The following TRAPPC9 variants were observed in gnomAD, a reference collection of about 807,000 sequenced individuals.
The protein encoded by TRAPPC9 is trafficking protein particle complex subunit 9, also known as IKK2 binding protein.
Under a neutral mutation model 124.0 loss-of-function variants are expected in TRAPPC9, and 83 were observed. The ratio of observed to expected loss-of-function variants is 0.67; its 90% CI spans 0.56 to 0.80. The LOEUF (loss-of-function observed/expected upper bound fraction) is 0.80. Among genes scored for constraint, TRAPPC9 ranks in the 30% least tolerant of loss-of-function variants. The pLI, the probability that TRAPPC9 is intolerant of heterozygous loss-of-function variation, is 0.00. For synonymous variants in TRAPPC9, 638 were observed against 617.5 expected (o/e 1.03, Z -0.49); for missense variants, 1,302 against 1,508.3 (o/e 0.86, Z 2.27).
chr8:140,236,371 G>C (rs12681735), intron 16 of TRAPPC9, among the ~76,000 whole-genome samples: 39 of 152,308 alleles, frequency 2.6e-4, no homozygotes, highest in African/African-American at 8.4e-4. Flanking sequence ...GCGTGAGCCA[G>C]AGTGCCCAGT....
Position 140,184,839 on chromosome 8 carries a change from C to A in TRAPPC9, c.2556+36620G>T, listed in dbSNP as rs78733798. ...GCACACATCTAAATCCAGCACCCAG[C>A]TGGAAAAAGAACATGCCTGCGCCCA... On this transcript the variant is annotated intron_variant, in intron 17 of 22. Transcript: ENST00000438773. Among the ~76,000 whole-genome samples, 42 of 152,312 alleles carry A rather than the reference C, an allele frequency of 2.8e-4. No homozygotes were observed. In the East Asian group the frequency reaches 8.1e-3, roughly 29 times the overall value.
chr8:139,848,492 T>C (rs560528232), intron 21 of TRAPPC9, among the ~76,000 whole-genome samples: 1 of 152,124 alleles, frequency 6.6e-6, no homozygotes, highest in East Asian at 1.9e-4. Context: ...GGACATGAGA[T>C]ATGGAATAAA....
intron 18 of TRAPPC9, among the ~76,000 whole-genome samples, chr8:140,016,257 C>A (rs1839456548): frequency 6.6e-6 from 1 of 152,182 alleles, no homozygotes; most frequent in South Asian, 2.1e-4. Flanking sequence ...AACCCTATAA[C>A]CCATACCCCT....
At chr8:140,312,387 A>G (rs779516129) in intron 9 of TRAPPC9, among the ~76,000 whole-genome samples, 2 of 152,158 alleles carry the variant, frequency 1.3e-5, no homozygotes, top group Non-Finnish European at 2.9e-5. Context: ...TTCCCTATCT[A>G]CTGTGCTACC....
At chr8:139,888,687 G>A (rs1471779734) in intron 20 of TRAPPC9, among the ~76,000 whole-genome samples, 3 of 152,218 alleles carry the variant, frequency 2.0e-5, no homozygotes, top group Non-Finnish European at 2.9e-5. Flanking sequence ...TTCTCCAAAC[G>A]AAATTTTCTC....
chr8:140,346,981 C>T (rs184416160), intron 9 of TRAPPC9, among the ~76,000 whole-genome samples: 1 of 152,276 alleles, frequency 6.6e-6, no homozygotes, highest in Non-Finnish European at 1.5e-5. Flanking sequence ...GGCAGAGGCA[C>T]GGGGTAGCAT....
At chr8:140,384,436 C>G (rs1051898114) in intron 7 of TRAPPC9, among the ~76,000 whole-genome samples, 1 of 152,112 alleles carries the variant, frequency 6.6e-6, no homozygotes, top group Admixed American at 6.5e-5. Flanking sequence ...CAGAGACACA[C>G]ATAGGCTCAA....
upstream of TRAPPC9, chr8:140,458,528 T>C (rs760112538): frequency 3.8e-6 from 6 of 1,583,414 alleles, no homozygotes; most frequent in Admixed American, 5.3e-5. Flanking sequence ...GGCTTCCCCC[T>C]GTGTGGCGCG....
At chr8:140,323,854 T>C (rs1394503788) in intron 9 of TRAPPC9, among the ~76,000 whole-genome samples, 2 of 152,106 alleles carry the variant, frequency 1.3e-5, no homozygotes, top group Non-Finnish European at 2.9e-5. Flanking sequence ...TCCAACTATA[T>C]ATACTTTATA....
At chr8:139,990,834 G>C (rs1359724225) in intron 18 of TRAPPC9, among the ~76,000 whole-genome samples, 1 of 151,534 alleles carries the variant, frequency 6.6e-6, no homozygotes, top group East Asian at 1.9e-4. Flanking sequence ...TGATCTGCCC[G>C]CCTAGGCCTC....
intron 19 of TRAPPC9, among the ~76,000 whole-genome samples, chr8:139,916,206 C>A (rs977495542): frequency 6.6e-6 from 1 of 152,208 alleles, no homozygotes; most frequent in African/African-American, 2.4e-5. Flanking sequence ...TTTTAAAGTT[C>A]CTCACAATGT....
rs186348969 is a variant in TRAPPC9 at position 140,301,542 on chromosome 8, G to A, written c.1623-928C>T. On this transcript the variant is annotated intron_variant, in intron 10 of 22. Transcript: ENST00000438773. ...CTCTTAAACCACAGTACTAGAAGGT[G>A]CTGTCACCCTTGTGACCAGTTTGGG... Among the ~76,000 whole-genome samples, 308 of 152,342 alleles carry A rather than the reference G, an allele frequency of 2.0e-3. 3 individuals carry two copies. Among genetic ancestry groups the A allele is most frequent in the African/African-American group, 7.1e-3 (297 of 41,588 alleles).
At chr8:139,963,056 G>T (rs1835443323) in intron 19 of TRAPPC9, among the ~76,000 whole-genome samples, 1 of 152,216 alleles carries the variant, frequency 6.6e-6, no homozygotes, top group Non-Finnish European at 1.5e-5. Context: ...TGTTACAGCA[G>T]CAATAGAGAA....
intron 20 of TRAPPC9, among the ~76,000 whole-genome samples, chr8:139,901,865 A>G (rs1239507650): frequency 1.3e-5 from 2 of 152,298 alleles, no homozygotes; most frequent in East Asian, 3.9e-4. Context: ...TCGTTTTCTC[A>G]TCTGTGCAAC....
intron 17 of TRAPPC9, among the ~76,000 whole-genome samples, chr8:140,192,852 A>C (rs563958993): frequency 2.6e-5 from 4 of 152,168 alleles, no homozygotes; most frequent in African/African-American, 4.8e-5. Flanking sequence ...ATCTTGGCTC[A>C]CTGCAACCTC....
At chr8:140,251,996 CTT>C (rs1321105383) in intron 16 of TRAPPC9, among the ~76,000 whole-genome samples, 3 of 151,812 alleles carry the variant, frequency 2.0e-5, no homozygotes, top group Admixed American at 1.3e-4. Context: ...CAAATGAATG[CTT>C]CATAATTTGG....
At chr8:140,434,937 T>C (rs2070759557) in intron 4 of TRAPPC9, among the ~76,000 whole-genome samples, 175 bp downstream of exon 4, 1 of 150,048 alleles carries the variant, frequency 6.7e-6, no homozygotes, top group South Asian at 2.1e-4. Flanking sequence ...GCCACTGCAC[T>C]CCAGCCCGGG....
At chr8:140,212,361 C>T (rs1414166438) in intron 17 of TRAPPC9, among the ~76,000 whole-genome samples, 1 of 152,206 alleles carries the variant, frequency 6.6e-6, no homozygotes, top group African/African-American at 2.4e-5. Flanking sequence ...ACATAGTTTT[C>T]CATTTTCAGT....
chr8:139,735,512 G>C (rs552816891), intron 21 of TRAPPC9, among the ~76,000 whole-genome samples: 1 of 152,290 alleles, frequency 6.6e-6, no homozygotes, highest in East Asian at 1.9e-4. Context: ...ACAGTGAACC[G>C]AACCAGGCGC....
Sources: allele counts gnomAD v4.1 joint callset (sites outside exome capture counted in the v4.1 genomes callset), GRCh38; gene constraint gnomAD v4.1.1; transcripts MANE v1.5; gene names NCBI Gene and HGNC (gene_info 2026-07-23, HGNC 2026-07-21).